Variants in WDFY4 observed in about 807,000 individuals in gnomAD.
WDFY4 encodes the protein WDFY family member 4.
A neutral mutation model predicts 351.9 loss-of-function variants in WDFY4; 169 were observed. The ratio of observed to expected loss-of-function variants is 0.48; its 90% CI spans 0.42 to 0.55. WDFY4 has a LOEUF of 0.55. Ranked by LOEUF, WDFY4 falls within the 20% of genes least tolerant of loss-of-function variation. The pLI, the probability that WDFY4 is intolerant of heterozygous loss-of-function variation, is 0.00. For synonymous variants in WDFY4, 1,622 were observed against 1,574.6 expected (o/e 1.03, Z -0.71); for missense variants, 3,803 against 3,935.6 (o/e 0.97, Z 0.90).
intron 2 of WDFY4, 46 bp from the exon 3 acceptor site, chr10:48,719,965 G>C: frequency 6.6e-7 from 1 of 1,523,540 alleles, no homozygotes; most frequent in Non-Finnish European, 8.9e-7. Context: ...CTCATGCCCT[G>C]CTTGTGGCAT....
intron 12 of WDFY4, among the ~76,000 whole-genome samples, chr10:48,751,026 A>T (rs1462691665): frequency 1.3e-5 from 2 of 152,194 alleles, no homozygotes; most frequent in Admixed American, 6.5e-5. Flanking sequence ...TGTCCTGAAG[A>T]CACCTGATGT....
chr10:48,887,990 T>C (rs1315861314), intron 43 of WDFY4, among the ~76,000 whole-genome samples: 1 of 152,170 alleles, frequency 6.6e-6, no homozygotes, highest in Non-Finnish European at 1.5e-5. Context: ...CTATGATAAA[T>C]GATTTGGAAA....
intron 44 of WDFY4, among the ~76,000 whole-genome samples, chr10:48,891,861 C>T (rs1482163849): frequency 6.6e-6 from 1 of 152,236 alleles, no homozygotes; most frequent in Admixed American, 6.5e-5. Flanking sequence ...CACTTCCAAC[C>T]TATGTAAGGA....
At chr10:48,769,182 T>A (rs2065778828) in intron 13 of WDFY4, among the ~76,000 whole-genome samples, 2 of 152,118 alleles carry the variant, frequency 1.3e-5, no homozygotes, top group Non-Finnish European at 2.9e-5. Context: ...GCCAGGCCCT[T>A]TACATGTGGA....
intron 35 of WDFY4, 102 bp from the exon 36 acceptor site, chr10:48,826,569 G>A (rs1284300701): frequency 2.3e-6 from 2 of 862,610 alleles, no homozygotes; most frequent in African/African-American, 1.7e-5. Context: ...GGTAAGCCAT[G>A]TCACTTTTTG....
chr10:48,708,825 C>T lies in WDFY4; in HGVS notation c.-17-891C>T, dbSNP rs1043463058. 2.0e-5 allele frequency among the ~76,000 whole-genome samples: 3 copies of T among 152,100 alleles called. 1 individual carries two copies. In the South Asian group the frequency reaches 6.2e-4, roughly 32 times the overall value. ...TGAGAATAAAATACTCTAAAAATAT[C>T]AAGTATAAACCAAATAATGCTTAGA... On this transcript the variant is annotated intron_variant, in intron 1 of 61. Transcript: ENST00000325239.
chr10:48,823,531 G>T, intron 35 of WDFY4: 1 of 1,110,344 alleles, frequency 9.0e-7, no homozygotes, highest in South Asian at 2.4e-5. Context: ...TCACTTGTCT[G>T]ATGAGCAGGT....
chr10:48,907,012 G>T (rs1837649003), intron 47 of WDFY4, among the ~76,000 whole-genome samples: 1 of 151,778 alleles, frequency 6.6e-6, no homozygotes, highest in African/African-American at 2.4e-5. Context: ...CTAAAGGATT[G>T]TGGGTACCAA....
chr10:48,717,529 T>C (rs533841516), intron 2 of WDFY4, among the ~76,000 whole-genome samples: 3 of 152,328 alleles, frequency 2.0e-5, no homozygotes, highest in Non-Finnish European at 2.9e-5. Flanking sequence ...CCCTCCCTTT[T>C]CCTCCAATGG....
intron 7 of WDFY4, among the ~76,000 whole-genome samples, chr10:48,728,212 G>T (rs1312133203): frequency 6.6e-6 from 1 of 152,140 alleles, no homozygotes; most frequent in East Asian, 1.9e-4. Context: ...CTCCCCTACT[G>T]GTGTTTTCTG....
In WDFY4 at chr10:48,733,915, T is replaced by C; in HGVS notation, c.1583-16T>C. ...TGTACTTAATTTATTTTGTTATTTC[T>C]TCTTCAATATGGCAGGAAACAAAGT... is the stretch of plus-strand genomic sequence containing the variant. On this transcript the variant is annotated splice_polypyrimidine_tract_variant and intron_variant, in intron 9 of 61. Transcript: ENST00000325239. The C allele has an allele frequency of 6.4e-7, 1 of 1,550,894 alleles. No individual in the cohort carries two copies. The highest frequency in any genetic ancestry group is 8.7e-7 in the Non-Finnish European group (1 of 1,146,276).
intron 38 of WDFY4, among the ~76,000 whole-genome samples, chr10:48,831,865 A>G (rs1055351287): frequency 2.6e-5 from 4 of 152,188 alleles, no homozygotes; most frequent in Non-Finnish European, 5.9e-5. Context: ...ATGGCCTGGG[A>G]TGGCCCCCTT....
Position 48,731,381 on chromosome 10 carries a change from G to A in WDFY4, c.1401G>A (p.Leu467=). The change falls in exon 9 of 62, where the codon CTG becomes CTA. Residue 467 remains leucine, a synonymous_variant. Coordinates refer to ENST00000325239, the MANE Select transcript of WDFY4 (RefSeq NM_001394531.1). The part of the protein sequence containing the change: ...FELHYVPHEI[L]RKVQHLIKES... ...TGCACTACGTGCCTCATGAGATCCT[G>A]CGAAAGGTACAGCATCTGATCAAGG... 1 of 1,551,764 alleles carries A rather than the reference G, an allele frequency of 6.4e-7. No homozygotes were observed. Among genetic ancestry groups the A allele is most frequent in the Non-Finnish European group, 8.7e-7 (1 of 1,147,024 alleles).
intron 47 of WDFY4, chr10:48,910,947 A>G (rs1837942699): frequency 2.0e-6 from 2 of 981,070 alleles, no homozygotes. Flanking sequence ...TGAATACCTA[A>G]GGAGGGAAAA....
chr10:48,746,601 G>T (rs2065022262), intron 12 of WDFY4, among the ~76,000 whole-genome samples: 1 of 151,362 alleles, frequency 6.6e-6, no homozygotes, highest in Admixed American at 6.6e-5. Flanking sequence ...TTTCTACTTA[G>T]CTTTTTACAT....
chr10:48,931,702 T>A (rs1423726642), intron 47 of WDFY4, among the ~76,000 whole-genome samples: 1 of 152,198 alleles, frequency 6.6e-6, no homozygotes, highest in African/African-American at 2.4e-5. Context: ...TGCTGCAATG[T>A]CTAATCCTAA....
At chr10:48,734,175 G>A in intron 10 of WDFY4, 140 bp downstream of exon 10, 1 of 713,796 alleles carries the variant, frequency 1.4e-6, no homozygotes, top group South Asian at 1.9e-5. Flanking sequence ...TCCTCTCTTG[G>A]CCGATGTTCA....
intron 13 of WDFY4, among the ~76,000 whole-genome samples, chr10:48,762,101 G>A (rs1431963566): frequency 6.6e-6 from 1 of 152,194 alleles, no homozygotes; most frequent in Non-Finnish European, 1.5e-5. Flanking sequence ...CTTTGTCCAG[G>A]AGTTCAGACG....
chr10:48,979,159 A>G (rs1877800), intron 60 of WDFY4, among the ~76,000 whole-genome samples: 68,850 of 152,060 alleles, frequency 0.45, 15,945 homozygotes, highest in East Asian at 0.66. Flanking sequence ...AGGCAATAAC[A>G]TCACAAAGAT....
Sources: allele counts gnomAD v4.1 joint callset (sites outside exome capture counted in the v4.1 genomes callset), GRCh38; gene constraint gnomAD v4.1.1; transcripts MANE v1.5; gene names NCBI Gene and HGNC (gene_info 2026-07-23, HGNC 2026-07-21).